PRKN: variants seen among roughly 807,000 people sequenced by gnomAD.
The protein encoded by PRKN is parkin RBR E3 ubiquitin protein ligase, also known as E3 ubiquitin-protein ligase parkin.
In PRKN, 56 loss-of-function variants were observed where a neutral mutation model predicts 59.5. The observed-to-expected ratio is 0.94, with a 90% confidence interval of 0.76 to 1.18. The LOEUF (loss-of-function observed/expected upper bound fraction) is 1.18. PRKN is among the 50% of genes most tolerant of loss of function. The pLI is 0.00. For synonymous variants in PRKN, 250 were observed against 222.1 expected (o/e 1.13, Z -1.12); for missense variants, 657 against 596.4 (o/e 1.10, Z -1.06).
At chr6:161,541,966 T>C (rs1312264477) in intron 9 of PRKN, among the ~76,000 whole-genome samples, 1 of 152,198 alleles carries the variant, frequency 6.6e-6, no homozygotes, top group East Asian at 1.9e-4. Flanking sequence ...GAACAACATG[T>C]ATTAGAACGT....
At chr6:162,239,802 C>T (rs1778909135) in intron 3 of PRKN, among the ~76,000 whole-genome samples, 1 of 151,010 alleles carries the variant, frequency 6.6e-6, no homozygotes, top group South Asian at 2.1e-4. Context: ...CTCCAGTGGG[C>T]TCGACTATTT....
intron 7 of PRKN, among the ~76,000 whole-genome samples, chr6:161,619,720 TA>T (rs1782824219): frequency 6.6e-6 from 1 of 152,138 alleles, no homozygotes; most frequent in Admixed American, 6.5e-5. Flanking sequence ...TACCCTCCAA[TA>T]TGGTAGCTGC....
chr6:162,443,121 T>C (rs559475876), intron 2 of PRKN, among the ~76,000 whole-genome samples, 189 bp downstream of exon 2: 3 of 152,190 alleles, frequency 2.0e-5, no homozygotes, highest in South Asian at 4.1e-4. Context: ...TTCCAATCTT[T>C]CCTGCTTGCT....
intron 1 of PRKN, among the ~76,000 whole-genome samples, chr6:162,685,427 A>T (rs1468725152): frequency 6.6e-6 from 1 of 152,112 alleles, no homozygotes; most frequent in African/African-American, 2.4e-5. Flanking sequence ...TATATATATA[A>T]CTATTAATTT....
intron 1 of PRKN, among the ~76,000 whole-genome samples, chr6:162,713,216 T>C (rs2849518): frequency 0.8 from 122,458 of 152,206 alleles, 49,463 homozygotes; most frequent in East Asian, 0.97. Flanking sequence ...AAATTAGGTC[T>C]CTTTGGCCAG....
chr6:162,037,959 T>G (rs933271837), intron 5 of PRKN, among the ~76,000 whole-genome samples: 1 of 149,972 alleles, frequency 6.7e-6, no homozygotes, highest in Non-Finnish European at 1.5e-5. Context: ...GAAAATGAGG[T>G]ATAATAGTTT....
At chr6:161,852,360 G>A (rs1793474310) in intron 6 of PRKN, among the ~76,000 whole-genome samples, 1 of 151,986 alleles carries the variant, frequency 6.6e-6, no homozygotes, top group Non-Finnish European at 1.5e-5. Context: ...GTTGGAGGCG[G>A]GAGGATCACT....
At chr6:162,500,833 T>C (rs1374761624) in intron 1 of PRKN, among the ~76,000 whole-genome samples, 1 of 152,172 alleles carries the variant, frequency 6.6e-6, no homozygotes, top group African/African-American at 2.4e-5. Context: ...ATATTTAATA[T>C]TATTTCTTAA....
At chr6:162,051,536 C>T (rs566418972) in intron 5 of PRKN, among the ~76,000 whole-genome samples, 87 of 152,274 alleles carry the variant, frequency 5.7e-4, no homozygotes, top group Non-Finnish European at 9.1e-4. Flanking sequence ...GCCTGAGAGG[C>T]GAGCAGGAGC....
At chr6:162,505,968 C>T (rs1793590136) in intron 1 of PRKN, among the ~76,000 whole-genome samples, 1 of 152,062 alleles carries the variant, frequency 6.6e-6, no homozygotes, top group Non-Finnish European at 1.5e-5. Flanking sequence ...GAGGCAGGGG[C>T]AACAAGTTCC....
intron 6 of PRKN, among the ~76,000 whole-genome samples, chr6:161,869,727 T>C (rs1314297288): frequency 6.6e-6 from 1 of 152,174 alleles, no homozygotes; most frequent in African/African-American, 2.4e-5. Context: ...TTGAAAGAGC[T>C]CTTCAGCTGT....
chr6:162,266,298 T>TATTG (rs374591594), intron 2 of PRKN, among the ~76,000 whole-genome samples: 2 of 146,094 alleles, frequency 1.4e-5, no homozygotes, highest in Non-Finnish European at 3.0e-5. Flanking sequence ...TACATATATA[T>TATTG]TGTGTGTGTG....
rs532738288 is a variant in PRKN, at chr6:161,818,947, C to T, written c.735-33039G>A. Among the ~76,000 whole-genome samples the T allele has an allele frequency of 7.2e-5, 11 of 152,264 alleles. 1 individual carries two copies. In the South Asian group the frequency reaches 2.3e-3, roughly 32 times the overall value. ...GGTGAAGAGGGCCTTATCCATCTAACATGTACTGTGGTTAGGCCTGGAGAC... is the reference window on the plus strand; with the variant it reads ...GGTGAAGAGGGCCTTATCCATCTAATATGTACTGTGGTTAGGCCTGGAGAC... On this transcript the variant is annotated intron_variant, in intron 6 of 11. Transcript: ENST00000366898.
intron 2 of PRKN, among the ~76,000 whole-genome samples, chr6:162,381,095 T>C (rs527353605): frequency 1.3e-5 from 2 of 152,232 alleles, no homozygotes; most frequent in Admixed American, 6.5e-5. Context: ...AGAGCACACC[T>C]GCATCTTTGA....
chr6:161,645,052 A>G (rs6938880), intron 7 of PRKN, among the ~76,000 whole-genome samples: 42,230 of 151,912 alleles, frequency 0.28, 6,118 homozygotes, highest in Non-Finnish European at 0.32. Context: ...GTGACATTTT[A>G]TCAATAAGAA....
intron 5 of PRKN, among the ~76,000 whole-genome samples, chr6:161,985,128 C>T (rs764009919): frequency 1.3e-5 from 2 of 152,290 alleles, no homozygotes; most frequent in East Asian, 1.9e-4. Context: ...GTGACTTATG[C>T]GATGTCATCT....
intron 2 of PRKN, among the ~76,000 whole-genome samples, chr6:162,423,804 C>T (rs1789094455): frequency 6.6e-6 from 1 of 152,088 alleles, no homozygotes; most frequent in African/African-American, 2.4e-5. Context: ...ATTTATTCAA[C>T]AAATATTTAT....
intron 2 of PRKN, among the ~76,000 whole-genome samples, chr6:162,339,247 G>GGTCAGC (rs1784020846): frequency 6.8e-6 from 1 of 148,146 alleles, no homozygotes; most frequent in Non-Finnish European, 1.5e-5. Context: ...AGGTGGTGGG[G>GGTCAGC]GTCAGCCCCC....
At chr6:162,396,321 G>A (rs1278659050) in intron 2 of PRKN, among the ~76,000 whole-genome samples, 1 of 152,226 alleles carries the variant, frequency 6.6e-6, no homozygotes, top group African/African-American at 2.4e-5. Flanking sequence ...CAGGAGTGCA[G>A]TCAGCATTAG....
Sources: allele counts gnomAD v4.1 joint callset (sites outside exome capture counted in the v4.1 genomes callset), GRCh38; gene constraint gnomAD v4.1.1; transcripts MANE v1.5; gene names NCBI Gene and HGNC (gene_info 2026-07-23, HGNC 2026-07-21).